Variants in SORL1 observed in about 807,000 individuals in gnomAD.
SORL1 encodes sortilin related receptor 1.
In SORL1, 127 loss-of-function variants were observed where a neutral mutation model predicts 273.7. That is an observed-to-expected ratio of 0.46 (90% CI 0.40 to 0.54). The LOEUF is 0.54. Among genes scored for constraint, SORL1 ranks in the 20% least tolerant of loss-of-function variants. The pLI is 0.00. For synonymous variants in SORL1, 1,031 were observed against 1,067.4 expected, an observed-to-expected ratio of 0.97 and a Z score of 0.66; for missense variants, 2,494 against 2,846.1, an observed-to-expected ratio of 0.88 and a Z score of 2.81.
At chr11:121,524,726 T>A (rs1279851687) in intron 11 of SORL1, among the ~76,000 whole-genome samples, 2 of 152,078 alleles carry the variant, frequency 1.3e-5, no homozygotes, top group East Asian at 3.8e-4. Context: ...TTTCTCTTTT[T>A]AAATAATTTT....
intron 21 of SORL1, among the ~76,000 whole-genome samples, chr11:121,564,763 G>C (rs979823748): frequency 6.6e-5 from 10 of 151,564 alleles, no homozygotes; most frequent in Non-Finnish European, 1.5e-4. Flanking sequence ...TTGTGGAGGC[G>C]GTCTTCACTA....
chr11:121,496,327 C>G lies in SORL1; in HGVS notation c.759-542C>G, dbSNP rs146002614. On this transcript the variant is annotated intron_variant, in intron 5 of 47. Coordinates refer to ENST00000260197, the MANE Select transcript of SORL1 (RefSeq NM_003105.6). Reference sequence around the variant, plus strand: ...TTTGAGAAAGAGTTTGTGGAAGAGCCTCATGGGAGACGAAATGCACAGGCA... The same window carrying G: ...TTTGAGAAAGAGTTTGTGGAAGAGCGTCATGGGAGACGAAATGCACAGGCA... Among the ~76,000 whole-genome samples, 431 of 152,272 alleles carry G rather than the reference C, an allele frequency of 2.8e-3. 1 individual carries two copies. Among genetic ancestry groups the G allele is most frequent in the African/African-American group, 9.9e-3 (412 of 41,530 alleles).
intron 39 of SORL1, 102 bp from the exon 40 acceptor site, chr11:121,612,634 C>A: frequency 1.2e-6 from 1 of 827,554 alleles, no homozygotes; most frequent in Non-Finnish European, 2.0e-6. Context: ...ATGAGATACC[C>A]AAGGAAAGAA....
At chr11:121,571,013 AGTTGCTATACACCC>A (rs1862833659) in intron 23 of SORL1, among the ~76,000 whole-genome samples, 2 of 152,240 alleles carry the variant, frequency 1.3e-5, no homozygotes. Context: ...CTCAACAAGC[AGTTGCTATACACCC>A]TGTGTTCCAG....
chr11:121,590,811 A>T (rs768624087), intron 30 of SORL1, 190 bp from the exon 31 acceptor site: 2 of 774,228 alleles, frequency 2.6e-6, no homozygotes, highest in South Asian at 2.7e-5. Flanking sequence ...AGGGAAAAGA[A>T]TATTGCCTCT....
At chr11:121,534,913 A>C (rs1426593109) in intron 12 of SORL1, among the ~76,000 whole-genome samples, 1 of 152,150 alleles carries the variant, frequency 6.6e-6, no homozygotes, top group African/African-American at 2.4e-5. Context: ...TTCATTTGGC[A>C]TTGATCATAT....
At chr11:121,481,232 G>A (rs1194302171) in intron 3 of SORL1, among the ~76,000 whole-genome samples, 9 of 85,350 alleles carry the variant, frequency 1.1e-4, no homozygotes, top group East Asian at 3.3e-4. Flanking sequence ...GATACCTATA[G>A]GCAAGCTCCA....
chr11:121,537,869 T>C (rs1172961582), intron 12 of SORL1, among the ~76,000 whole-genome samples: 1 of 152,238 alleles, frequency 6.6e-6, no homozygotes. Flanking sequence ...AGATACTTCC[T>C]TTTGCATGAA....
chr11:121,630,411 C>G lies in SORL1; in HGVS notation c.*848C>G, dbSNP rs1474970112. On this transcript the variant is annotated 3_prime_UTR_variant, in exon 48 of 48. Transcript: ENST00000260197. The stretch of plus-strand genomic sequence containing the variant: ...ACTGGTTTCATTGTCATTGCAAAAA[C>G]TTACCCTGGTTGTGGGGGAGAGTTC... 1.3e-5 allele frequency: 2 copies of G among 152,244 alleles called. No individual in the cohort carries two copies. Among genetic ancestry groups the G allele is most frequent in the African/African-American group, 4.8e-5 (2 of 41,468 alleles). The allele number at this position is 152,244 out of a possible 1,614,324, so 9.4% of individuals were successfully genotyped here.
Position 121,452,809 on chromosome 11 carries a change from A to G in SORL1, c.285+193A>G, listed in dbSNP as rs771551636. ...CATTGATCTTTCCTTCTTCCTGTCGATTTAGTAAACGTATTCCAGGTAACT... is the reference window on the plus strand; with the variant it reads ...CATTGATCTTTCCTTCTTCCTGTCGGTTTAGTAAACGTATTCCAGGTAACT... On this transcript the variant is annotated intron_variant, in intron 1 of 47. Coordinates refer to ENST00000260197, the MANE Select transcript of SORL1 (RefSeq NM_003105.6). This position sits in a 1 kb window ranked among gnomAD's most constrained non-coding sequence, Gnocchi z 5.3. The G allele has an allele frequency of 2.6e-5, 13 of 506,904 alleles. No homozygotes were observed. The highest frequency in any genetic ancestry group is 4.0e-5 in the Non-Finnish European group (12 of 300,484). The allele number at this position is 506,904 out of a possible 1,614,324, so 31.4% of individuals were successfully genotyped here. A position where few individuals can be genotyped will look rare whatever the true frequency, so the allele number is the denominator to read the frequency against.
At position 121,520,718 on chromosome 11, in the gene SORL1, A is replaced by G. The variant is rs773908330; in HGVS notation, c.1273A>G (p.Ile425Val). 1.2e-6 allele frequency: 2 copies of G among 1,609,606 alleles called. No individual in the cohort carries two copies. The highest frequency in any genetic ancestry group is 3.4e-5 in the Admixed American group (2 of 59,178). Reference sequence around the variant, plus strand: ...AGTGGAAGGATTGCAAGGAGTCTACATTGCTACTCTGATTAATGGTTCTAT... The same window carrying G: ...AGTGGAAGGATTGCAAGGAGTCTACGTTGCTACTCTGATTAATGGTTCTAT... ...HRVEGLQGVY[I>V]ATLINGSMNE... Residue 425 changes from isoleucine (I) to valine (V), a missense_variant, in exon 9 of 48, where the codon ATT (isoleucine) becomes GTT (valine). Ile to Val is a conservative substitution (Grantham distance 29, BLOSUM62 3). Transcript: ENST00000260197.
chr11:121,549,723 GA>G (rs1046686056), intron 14 of SORL1, among the ~76,000 whole-genome samples: 4 of 127,196 alleles, frequency 3.1e-5, no homozygotes, highest in African/African-American at 5.6e-5. Context: ...TTGGCATGAT[GA>G]TTTTTTTTTT....
chr11:121,515,844 A>T (rs1355251540), intron 8 of SORL1, among the ~76,000 whole-genome samples: 1 of 151,850 alleles, frequency 6.6e-6, no homozygotes, highest in African/African-American at 2.4e-5. Flanking sequence ...TAGAGACAGC[A>T]CCATGTTGGC....
At chr11:121,530,460 A>T (rs1862186926) in intron 11 of SORL1, among the ~76,000 whole-genome samples, 1 of 152,152 alleles carries the variant, frequency 6.6e-6, no homozygotes, top group Admixed American at 6.5e-5. Context: ...TACTTTAAAG[A>T]TGTCTACTGT....
chr11:121,586,693 T>TGGGGGGGGGGGGGGG (rs376563096), intron 27 of SORL1, among the ~76,000 whole-genome samples: 4 of 97,152 alleles, frequency 4.1e-5, no homozygotes, highest in African/African-American at 7.9e-5. Context: ...GGGGGTAGAG[T>TGGGGGGGGGGGGGGG]GGGGGGGGGG....
chr11:121,465,397 C>T (rs1186503182), intron 1 of SORL1, among the ~76,000 whole-genome samples: 12 of 152,076 alleles, frequency 7.9e-5, no homozygotes, highest in Admixed American at 7.9e-4. Flanking sequence ...AAGACAAGCC[C>T]CCCCGCCAAA....
chr11:121,463,363 A>G (rs1284759902), intron 1 of SORL1, among the ~76,000 whole-genome samples: 3 of 152,146 alleles, frequency 2.0e-5, no homozygotes, highest in African/African-American at 7.2e-5. Context: ...CAAAACAGCA[A>G]AGCATATTCG....
In SORL1 at chr11:121,496,861, T is replaced by TTTTTC; in HGVS notation, c.759-8_759-7insTTTTC. ...AATGATAACAACCTTTTTTTTTTTT[T>TTTTTC]CTGCCAGGGGAATTGATCCCTATGA... On this transcript the variant is annotated splice_polypyrimidine_tract_variant and splice_region_variant and intron_variant, in intron 5 of 47. Transcript: ENST00000260197. 6.4e-7 allele frequency: 1 copy of TTTTTC among 1,569,990 alleles called. No homozygotes were observed. Among genetic ancestry groups the TTTTTC allele is most frequent in the Non-Finnish European group, 8.6e-7 (1 of 1,162,404 alleles).
In SORL1 at chr11:121,584,875, C is replaced by T. The variant is rs1004751823; in HGVS notation, c.3706+1292C>T. Among the ~76,000 whole-genome samples, 7 of 152,244 alleles carry T rather than the reference C, an allele frequency of 4.6e-5. No homozygotes were observed. The East Asian group carries it at 5.8e-4, about 13-fold the overall frequency. ...TCCCAAAGTGCTGCGATTATAGGCACGAGCCACTGCGCCTGGCCAGAACTG... is the reference window on the plus strand; with the variant it reads ...TCCCAAAGTGCTGCGATTATAGGCATGAGCCACTGCGCCTGGCCAGAACTG... On this transcript the variant is annotated intron_variant, in intron 26 of 47. Transcript: ENST00000260197.
Sources: allele counts gnomAD v4.1 joint callset (sites outside exome capture counted in the v4.1 genomes callset), GRCh38; gene constraint gnomAD v4.1.1; non-coding constraint Gnocchi (gnomAD v3.1); transcripts MANE v1.5; gene names NCBI Gene and HGNC (gene_info 2026-07-23, HGNC 2026-07-21).